Variants in ARHGAP44 observed in about 807,000 individuals in gnomAD.
ARHGAP44 encodes the protein Rho GTPase activating protein 44, also known as rho GTPase-activating protein 44.
Under a neutral mutation model 106.8 loss-of-function variants are expected in ARHGAP44, and 43 were observed. The observed-to-expected ratio is 0.40, with a 90% CI of 0.32 to 0.52. The LOEUF is 0.52. Ranked by LOEUF, ARHGAP44 falls within the 20% of genes least tolerant of loss-of-function variation. The probability of loss-of-function intolerance (pLI) is 0.48; values close to 1 mark genes in which losing one functional copy is unlikely to be tolerated. For missense variants in ARHGAP44, 866 were observed against 1,050.5 expected (o/e 0.82, Z 2.43); for synonymous variants, 439 against 410.3 (o/e 1.07, Z -0.85).
chr17:12,849,568 CTTTTTTTTTTTTTT>C (rs776346185), intron 1 of ARHGAP44, among the ~76,000 whole-genome samples: 7 of 69,958 alleles, frequency 1.0e-4, no homozygotes, highest in East Asian at 4.8e-4. Flanking sequence ...TACTTTTGTC[CTTTTTTTTTTTTTT>C]TTTTTTTTTT....
intron 1 of ARHGAP44, among the ~76,000 whole-genome samples, chr17:12,893,209 C>T (rs2037100274): frequency 6.6e-6 from 1 of 152,082 alleles, no homozygotes; most frequent in African/African-American, 2.4e-5. Flanking sequence ...GATGGAGGTT[C>T]TTCTTGTTAA....
intron 3 of ARHGAP44, among the ~76,000 whole-genome samples, chr17:12,905,280 T>C (rs1022848490): frequency 1.3e-5 from 2 of 152,170 alleles, no homozygotes; most frequent in African/African-American, 2.4e-5. Flanking sequence ...TTAAAAAGCA[T>C]ATCCCTTAAG....
chr17:12,867,561 A>G (rs1240301416), intron 1 of ARHGAP44, among the ~76,000 whole-genome samples: 2 of 152,192 alleles, frequency 1.3e-5, no homozygotes, highest in Non-Finnish European at 2.9e-5. Context: ...TTGGAGACCT[A>G]TATTTACAAG....
intron 17 of ARHGAP44, chr17:12,973,521 G>A: frequency 1.6e-6 from 1 of 613,030 alleles, no homozygotes; most frequent in African/African-American, 1.9e-5. Flanking sequence ...CTGCTGTGTA[G>A]ACAAGTGGGA....
chr17:12,841,016 G>A (rs1457307242), intron 1 of ARHGAP44, among the ~76,000 whole-genome samples: 5 of 152,146 alleles, frequency 3.3e-5, no homozygotes, highest in South Asian at 2.1e-4. Context: ...AACGTGCACC[G>A]TCTTCCGTGC....
At chr17:12,793,279 C>A (rs953239232) in intron 1 of ARHGAP44, among the ~76,000 whole-genome samples, 5 of 152,204 alleles carry the variant, frequency 3.3e-5, no homozygotes, top group Admixed American at 2.0e-4. Flanking sequence ...TATCTCTGGG[C>A]AAATGTTATG....
chr17:12,961,671 T>C (rs1199506713), intron 16 of ARHGAP44, among the ~76,000 whole-genome samples: 1 of 152,004 alleles, frequency 6.6e-6, no homozygotes, highest in African/African-American at 2.4e-5. Flanking sequence ...GAGGTGGAGG[T>C]TGTGGTGAGT....
At chr17:12,965,147 C>T (rs1263812348) in intron 16 of ARHGAP44, among the ~76,000 whole-genome samples, 5 of 152,176 alleles carry the variant, frequency 3.3e-5, no homozygotes, top group East Asian at 1.9e-4. Flanking sequence ...CCCACAGACC[C>T]CATCAAAACG....
intron 1 of ARHGAP44, among the ~76,000 whole-genome samples, chr17:12,861,880 T>G (rs1041930420): frequency 6.6e-6 from 1 of 151,880 alleles, no homozygotes; most frequent in African/African-American, 2.4e-5. Context: ...AATGATCCAC[T>G]CGCCTCAGCT....
intron 1 of ARHGAP44, among the ~76,000 whole-genome samples, chr17:12,795,744 G>T (rs2033898141): frequency 6.6e-6 from 1 of 152,108 alleles, no homozygotes; most frequent in Non-Finnish European, 1.5e-5. Context: ...GGATGTAGTT[G>T]TAGGTCAGGC....
chr17:12,871,163 T>C (rs140596596), intron 1 of ARHGAP44, among the ~76,000 whole-genome samples: 1 of 152,316 alleles, frequency 6.6e-6, no homozygotes, highest in Non-Finnish European at 1.5e-5. Flanking sequence ...TGTAGTTCCT[T>C]GTGGACCTAA....
chr17:12,969,935 C>T (rs535281009), intron 16 of ARHGAP44, among the ~76,000 whole-genome samples: 12 of 152,254 alleles, frequency 7.9e-5, no homozygotes, highest in Admixed American at 2.6e-4. Context: ...AGGCCTGGGT[C>T]GTTCTAGAAC....
rs747555699 is a variant in ARHGAP44 at position 12,896,548 on chromosome 17, G to T, written c.198+37G>T. On this transcript the variant is annotated intron_variant, in intron 3 of 20. Coordinates refer to ENST00000379672, the MANE Select transcript of ARHGAP44 (RefSeq NM_014859.6). ...CCCAGCCCTGGGGAGCTGAAATCTTGCCTACTGAGGACAAGGTTCCTACTC... is the reference window on the plus strand; with the variant it reads ...CCCAGCCCTGGGGAGCTGAAATCTTTCCTACTGAGGACAAGGTTCCTACTC... 4 of 1,540,054 alleles carry T rather than the reference G, an allele frequency of 2.6e-6. No individual in the cohort carries two copies. In the East Asian group the frequency reaches 7.2e-5, roughly 28 times the overall value.
intron 7 of ARHGAP44, among the ~76,000 whole-genome samples, chr17:12,936,300 A>G (rs2038547093): frequency 6.6e-6 from 1 of 152,208 alleles, no homozygotes; most frequent in South Asian, 2.1e-4. Flanking sequence ...CCACCATTAT[A>G]GTATCCTAGA....
intron 16 of ARHGAP44, among the ~76,000 whole-genome samples, chr17:12,960,272 G>A (rs1402898760): frequency 6.7e-6 from 1 of 150,208 alleles, no homozygotes; most frequent in African/African-American, 2.4e-5. Context: ...GTTTTGTTTT[G>A]TTTTAAGACA....
chr17:12,953,113 G>A (rs1225791847), intron 13 of ARHGAP44, among the ~76,000 whole-genome samples: 3 of 152,172 alleles, frequency 2.0e-5, no homozygotes, highest in Admixed American at 2.0e-4. Context: ...TGACCTACAT[G>A]GGAGCTGGGG....
intron 20 of ARHGAP44, among the ~76,000 whole-genome samples, chr17:12,989,299 C>T (rs56259289): frequency 0.1 from 15,543 of 151,948 alleles, 919 homozygotes; most frequent in Middle Eastern, 0.21. Flanking sequence ...CGTGGTGTGG[C>T]AAAGAGGCTT....
At chr17:12,883,535 A>C (rs1037025953) in intron 1 of ARHGAP44, among the ~76,000 whole-genome samples, 3 of 150,692 alleles carry the variant, frequency 2.0e-5, no homozygotes, top group African/African-American at 7.4e-5. Flanking sequence ...CTACCGAACA[A>C]ATTTGATATA....
chr17:12,948,750 ACC>A (rs869207037), intron 10 of ARHGAP44, among the ~76,000 whole-genome samples: 10 of 150,988 alleles, frequency 6.6e-5, no homozygotes, highest in South Asian at 4.2e-4. Context: ...ACACACACAC[ACC>A]CCCTGTAGAC....
Sources: allele counts gnomAD v4.1 joint callset (sites outside exome capture counted in the v4.1 genomes callset), GRCh38; gene constraint gnomAD v4.1.1; transcripts MANE v1.5; gene names NCBI Gene and HGNC (gene_info 2026-07-23, HGNC 2026-07-21).